The following SUMF1 variants were observed in gnomAD, a reference collection of about 807,000 sequenced individuals.
SUMF1 encodes formylglycine-generating enzyme.
SUMF1 carries 48 observed loss-of-function variants against 47.6 expected under a neutral mutation model. That is an observed-to-expected ratio of 1.01 (90% CI 0.80 to 1.28). SUMF1 has a LOEUF of 1.28. SUMF1 is among the 50% of genes most tolerant of loss of function. The probability of loss-of-function intolerance (pLI) is 0.00; values close to 1 mark genes in which losing one functional copy is unlikely to be tolerated. For missense variants in SUMF1, 571 were observed against 485.4 expected (o/e 1.18, Z -1.66); for synonymous variants, 230 against 192.1 (o/e 1.20, Z -1.63).
At chr3:4,365,546 T>A (rs1224529356) in intron 8 of SUMF1, among the ~76,000 whole-genome samples, 1 of 143,680 alleles carries the variant, frequency 7.0e-6, no homozygotes, top group Non-Finnish European at 1.5e-5. Flanking sequence ...AACCCCTGCC[T>A]TTTTTTGTTT....
chr3:4,360,503 T>C (rs1388864710), downstream of SUMF1, among the ~76,000 whole-genome samples: 1 of 152,078 alleles, frequency 6.6e-6, no homozygotes, highest in Non-Finnish European at 1.5e-5. Context: ...ATTTTATTTT[T>C]TGTATTTTTA....
intron 8 of SUMF1, among the ~76,000 whole-genome samples, chr3:4,093,431 G>C (rs1692831451): frequency 6.6e-6 from 1 of 152,020 alleles, no homozygotes. Flanking sequence ...CCAAAGCTTT[G>C]CAAATAGGAA....
chr3:4,453,145 T>G, intron 1 of SUMF1, 96 bp from the exon 2 acceptor site: 2 of 1,279,988 alleles, frequency 1.6e-6, no homozygotes, highest in South Asian at 2.5e-5. Context: ...CACGCAAGTT[T>G]GTAAATCTTC....
At chr3:4,307,747 A>G (rs1178689033) in intron 8 of SUMF1, among the ~76,000 whole-genome samples, 3 of 152,180 alleles carry the variant, frequency 2.0e-5, no homozygotes, top group Non-Finnish European at 4.4e-5. Flanking sequence ...GGAAATTTAA[A>G]AAATCCCAGC....
At chr3:4,109,284 A>C (rs967870289) in intron 8 of SUMF1, among the ~76,000 whole-genome samples, 3 of 152,108 alleles carry the variant, frequency 2.0e-5, no homozygotes, top group African/African-American at 7.2e-5. Context: ...GAGTTTCTGC[A>C]GAGAGATCCG....
chr3:4,314,212 C>T (rs1292070372), intron 8 of SUMF1: 3 of 168,660 alleles, frequency 1.8e-5, no homozygotes, highest in African/African-American at 7.2e-5. Context: ...TCCTGTCAGT[C>T]GTGATCTGAC....
intron 8 of SUMF1, among the ~76,000 whole-genome samples, chr3:4,261,184 C>T (rs897442753): frequency 2.0e-5 from 3 of 152,062 alleles, no homozygotes; most frequent in African/African-American, 4.8e-5. Flanking sequence ...TATGAGCCTG[C>T]CTTGATTGAC....
rs1173071623 is a variant in SUMF1 at position 4,151,496 on chromosome 3, T to C, written c.1015-82751A>G. On this transcript the variant is annotated intron_variant and NMD_transcript_variant, in intron 8 of 12. Transcript: ENST00000448413. ...ATATGTATATATGTGTATATATACG[T>C]ATATATGTGTATATGTATACGTATA... Among the ~76,000 whole-genome samples, 16 of 145,776 alleles carry C rather than the reference T, an allele frequency of 1.1e-4. 1 individual carries two copies. Among genetic ancestry groups the C allele is most frequent in the African/African-American group, 4.1e-4 (16 of 39,072 alleles).
intron 8 of SUMF1, among the ~76,000 whole-genome samples, chr3:4,181,617 T>G (rs1024797666): frequency 6.6e-6 from 1 of 152,104 alleles, no homozygotes; most frequent in Non-Finnish European, 1.5e-5. Flanking sequence ...TCAAATGAGT[T>G]CCATGTTTCC....
At chr3:4,146,750 C>T (rs1000730292) in intron 8 of SUMF1, among the ~76,000 whole-genome samples, 3 of 150,688 alleles carry the variant, frequency 2.0e-5, no homozygotes, top group South Asian at 2.1e-4. Flanking sequence ...TGTGTTCTCA[C>T]TGTTCAATTC....
At chr3:4,102,979 G>A (rs1277989649) in intron 8 of SUMF1, among the ~76,000 whole-genome samples, 1 of 151,378 alleles carries the variant, frequency 6.6e-6, no homozygotes, top group Non-Finnish European at 1.5e-5. Flanking sequence ...CTGGAGTGTA[G>A]TAGTGCAATC....
chr3:4,099,116 A>C (rs1692972542), intron 8 of SUMF1, among the ~76,000 whole-genome samples: 1 of 152,128 alleles, frequency 6.6e-6, no homozygotes, highest in Non-Finnish European at 1.5e-5. Context: ...ACATCCAGAT[A>C]ATGGTGGCTT....
At chr3:4,385,068 C>T (rs13326024) in intron 7 of SUMF1, among the ~76,000 whole-genome samples, 30,635 of 151,632 alleles carry the variant, frequency 0.2, 3,344 homozygotes, top group African/African-American at 0.28. Context: ...GTATTTTTAG[C>T]ACAGACAGGG....
rs145558516 is a variant in SUMF1 at position 4,175,379 on chromosome 3, G to C, written c.1015-106634C>G. Among the ~76,000 whole-genome samples the C allele has an allele frequency of 3.0e-3, 464 of 152,218 alleles. 3 individuals carry two copies. The highest frequency in any genetic ancestry group is 0.01 in the African/African-American group (431 of 41,520). Reference sequence around the variant, plus strand: ...TATTTGCATTCTGCTGCCTCTGCTGGTGATACCCAGGCAAACAGGGTCTGG... The same window carrying C: ...TATTTGCATTCTGCTGCCTCTGCTGCTGATACCCAGGCAAACAGGGTCTGG... On this transcript the variant is annotated intron_variant and NMD_transcript_variant, in intron 8 of 12. Coordinates refer to the SUMF1 transcript ENST00000448413.
chr3:4,183,261 T>C (rs1695134255), intron 8 of SUMF1, among the ~76,000 whole-genome samples: 1 of 152,164 alleles, frequency 6.6e-6, no homozygotes, highest in African/African-American at 2.4e-5. Flanking sequence ...CACATCTAGA[T>C]TAAAGTAAAA....
intron 3 of SUMF1, among the ~76,000 whole-genome samples, chr3:4,429,008 A>G (rs933720673): frequency 1.3e-5 from 2 of 152,326 alleles, no homozygotes; most frequent in Admixed American, 6.5e-5. Flanking sequence ...TCAATACACT[A>G]TAATTTCCGG....
chr3:4,207,011 G>T (rs184356827), intron 8 of SUMF1, among the ~76,000 whole-genome samples: 16 of 151,878 alleles, frequency 1.1e-4, no homozygotes, highest in African/African-American at 3.1e-4. Flanking sequence ...ACCTACTTAC[G>T]TCTCATTAAT....
chr3:4,397,369 T>A (rs996262307), intron 7 of SUMF1, among the ~76,000 whole-genome samples: 9 of 152,316 alleles, frequency 5.9e-5, no homozygotes, highest in African/African-American at 2.2e-4. Context: ...TGTATAAAAC[T>A]GTCAGTCCTG....
chr3:4,434,935 T>A (rs890526829), intron 3 of SUMF1, among the ~76,000 whole-genome samples: 2 of 152,202 alleles, frequency 1.3e-5, no homozygotes, highest in South Asian at 2.1e-4. Flanking sequence ...CTTTATTTTT[T>A]AAATTTTCTT....
Sources: allele counts gnomAD v4.1 joint callset (sites outside exome capture counted in the v4.1 genomes callset), GRCh38; gene constraint gnomAD v4.1.1; transcripts MANE v1.5; gene names NCBI Gene and HGNC (gene_info 2026-07-23, HGNC 2026-07-21).